Variants in CDK19 observed in about 807,000 individuals in gnomAD.
CDK19 encodes the protein cyclin dependent kinase 19.
In CDK19, 20 loss-of-function variants were observed where a neutral mutation model predicts 68.3. The ratio of observed to expected loss-of-function variants is 0.29; its 90% CI spans 0.21 to 0.43. The LOEUF (loss-of-function observed/expected upper bound fraction) is 0.43. CDK19 is among the 20% of genes least tolerant of loss of function. The probability of loss-of-function intolerance (pLI) is 1.00; values close to 1 mark genes in which losing one functional copy is unlikely to be tolerated. For synonymous variants in CDK19, 221 were observed against 222.8 expected (o/e 0.99, Z 0.07); for missense variants, 339 against 623.5 (o/e 0.54, Z 4.86).
chr6:110,723,156 A>AC (rs1554212160), intron 2 of CDK19, among the ~76,000 whole-genome samples: 168 of 151,196 alleles, frequency 1.1e-3, no homozygotes, highest in Middle Eastern at 6.8e-3. Context: ...AAAAACAAAA[A>AC]AAAAAACGCA....
chr6:110,741,187 G>A (rs936037052), intron 2 of CDK19, among the ~76,000 whole-genome samples: 3 of 151,976 alleles, frequency 2.0e-5, no homozygotes, highest in African/African-American at 4.8e-5. Flanking sequence ...GGGGTGCAGC[G>A]GTTCATACAT....
chr6:110,773,797 T>G (rs1204584527), intron 1 of CDK19: 1 of 152,156 alleles, frequency 6.6e-6, no homozygotes, highest in Non-Finnish European at 1.5e-5. Flanking sequence ...GTGATTACAC[T>G]TGTGAAAAGC....
At chr6:110,810,001 G>A (rs1471469115) in intron 1 of CDK19, among the ~76,000 whole-genome samples, 1 of 152,200 alleles carries the variant, frequency 6.6e-6, no homozygotes, top group Non-Finnish European at 1.5e-5. Context: ...GGTTTGTAAG[G>A]ATAAGGGAAA....
intron 5 of CDK19, among the ~76,000 whole-genome samples, chr6:110,636,898 C>T (rs1275480601): frequency 6.6e-6 from 1 of 152,202 alleles, no homozygotes; most frequent in African/African-American, 2.4e-5. Flanking sequence ...AGGAAGGGCA[C>T]TAGTAGATAG....
intron 1 of CDK19, among the ~76,000 whole-genome samples, chr6:110,798,340 C>A (rs1369350396): frequency 2.0e-5 from 3 of 152,018 alleles, no homozygotes; most frequent in Admixed American, 1.3e-4. Flanking sequence ...AAAGAAACTT[C>A]CTGGCCAGGG....
intron 2 of CDK19, among the ~76,000 whole-genome samples, chr6:110,728,865 A>G (rs544975614): frequency 5.9e-5 from 9 of 152,308 alleles, no homozygotes; most frequent in Admixed American, 1.3e-4. Context: ...TTGATGCCCT[A>G]AAGTTAGATA....
intron 2 of CDK19, among the ~76,000 whole-genome samples, chr6:110,691,949 C>T (rs1016130024): frequency 4.6e-5 from 7 of 150,946 alleles, no homozygotes; most frequent in Admixed American, 2.6e-4. Context: ...CCCGGCCCCC[C>T]ATCTCTATTT....
intron 6 of CDK19, among the ~76,000 whole-genome samples, chr6:110,629,482 A>G (rs1779303769): frequency 6.6e-6 from 1 of 152,064 alleles, no homozygotes; most frequent in South Asian, 2.1e-4. Flanking sequence ...AGCCTCCAGA[A>G]TAGCTGGGAT....
chr6:110,697,822 G>T (rs1324700062), intron 2 of CDK19, among the ~76,000 whole-genome samples: 1 of 152,142 alleles, frequency 6.6e-6, no homozygotes, highest in African/African-American at 2.4e-5. Context: ...TAGGCACACA[G>T]ACCAACAGAA....
At chr6:110,646,255 C>T in intron 4 of CDK19, 1 of 1,501,198 alleles carries the variant, frequency 6.7e-7, no homozygotes, top group Non-Finnish European at 8.9e-7. Context: ...CCGTTCCACA[C>T]ACATAGTTGC....
chr6:110,677,707 T>C (rs1484569878), intron 2 of CDK19, among the ~76,000 whole-genome samples: 2 of 152,160 alleles, frequency 1.3e-5, no homozygotes, highest in Non-Finnish European at 2.9e-5. Flanking sequence ...TTGATTACCT[T>C]CTGTACATGT....
At chr6:110,698,509 ATGT>A (rs1480117319) in intron 2 of CDK19, among the ~76,000 whole-genome samples, 1 of 152,138 alleles carries the variant, frequency 6.6e-6, no homozygotes, top group Non-Finnish European at 1.5e-5. Context: ...AAAACAATAG[ATGT>A]TGTTGTGGAT....
intron 2 of CDK19, among the ~76,000 whole-genome samples, chr6:110,674,318 G>C (rs12208695): frequency 0.047 from 7,212 of 152,116 alleles, 178 homozygotes; most frequent in Middle Eastern, 0.078. Flanking sequence ...AACTACAATG[G>C]CCTCCAACTG....
At chr6:110,778,365 G>A (rs1159561569) in intron 1 of CDK19, among the ~76,000 whole-genome samples, 1 of 152,078 alleles carries the variant, frequency 6.6e-6, no homozygotes, top group Non-Finnish European at 1.5e-5. Context: ...CTTTAGTACT[G>A]ATTTAATTTT....
intron 4 of CDK19, among the ~76,000 whole-genome samples, chr6:110,662,867 T>C (rs543496785): frequency 6.6e-6 from 1 of 152,338 alleles, no homozygotes; most frequent in East Asian, 1.9e-4. Context: ...TTTAGCTCTC[T>C]TTCTCCTTTC....
chr6:110,670,727 T>C, intron 2 of CDK19, 186 bp from the exon 3 acceptor site: 1 of 653,976 alleles, frequency 1.5e-6, no homozygotes, highest in Non-Finnish European at 2.8e-6. Context: ...TTGGTGCATA[T>C]CTTTCCAATC....
At chr6:110,649,059 C>CAT (rs1285987399) in intron 4 of CDK19, among the ~76,000 whole-genome samples, 1 of 151,864 alleles carries the variant, frequency 6.6e-6, no homozygotes, top group Admixed American at 6.6e-5. Flanking sequence ...TAAATTAACC[C>CAT]ATATATATAG....
chr6:110,759,635 A>G (rs1334423270), intron 1 of CDK19, among the ~76,000 whole-genome samples: 1 of 151,354 alleles, frequency 6.6e-6, no homozygotes, highest in African/African-American at 2.4e-5. Context: ...ACATAAATAA[A>G]TAAGTAAAAT....
chr6:110,643,705 T>G (rs113663087), intron 4 of CDK19, among the ~76,000 whole-genome samples: 7,227 of 152,216 alleles, frequency 0.047, 178 homozygotes, highest in Middle Eastern at 0.085. Context: ...TATTTTGATG[T>G]GACAAGAGCA....
Sources: gnomAD v4.1 joint callset for allele counts (sites outside exome capture counted in the v4.1 genomes callset) on GRCh38, gnomAD v4.1.1 for gene constraint, MANE v1.5 for transcripts, NCBI Gene and HGNC (gene_info 2026-07-23, HGNC 2026-07-21) for gene names.